PRKCE: variants seen among roughly 807,000 people sequenced by gnomAD.
PRKCE encodes protein kinase C epsilon.
Under a neutral mutation model 85.4 loss-of-function variants are expected in PRKCE, and 16 were observed. That is an observed-to-expected ratio of 0.19 (90% CI 0.13 to 0.28). The LOEUF is 0.28. Among genes scored for constraint, PRKCE ranks in the 10% least tolerant of loss-of-function variants. The probability of loss-of-function intolerance (pLI) is 1.00; values close to 1 mark genes in which losing one functional copy is unlikely to be tolerated. For synonymous variants in PRKCE, 388 were observed against 371.5 expected (o/e 1.04, Z -0.51); for missense variants, 573 against 975.2 (o/e 0.59, Z 5.49).
chr2:46,053,821 A>G (rs1666300260), intron 10 of PRKCE, among the ~76,000 whole-genome samples: 1 of 152,216 alleles, frequency 6.6e-6, no homozygotes, highest in South Asian at 2.1e-4. Flanking sequence ...TGCTGCTGTG[A>G]ACATGGGCTT....
intron 3 of PRKCE, 197 bp from the exon 4 acceptor site, chr2:45,978,779 C>T (rs1574094692): frequency 3.5e-6 from 2 of 568,006 alleles, no homozygotes; most frequent in Non-Finnish European, 6.2e-6. Flanking sequence ...CCTCCCCAAG[C>T]ACTGGGACTG....
intron 6 of PRKCE, among the ~76,000 whole-genome samples, chr2:45,989,649 A>T (rs1009941074): frequency 2.2e-4 from 3 of 13,592 alleles, no homozygotes; most frequent in Non-Finnish European, 4.0e-4. Flanking sequence ...TTCCTTGTTT[A>T]AAAAAAAAAA....
chr2:45,692,748 C>T (rs1007447908), intron 1 of PRKCE, among the ~76,000 whole-genome samples: 1 of 151,982 alleles, frequency 6.6e-6, no homozygotes, highest in Non-Finnish European at 1.5e-5. Context: ...CACACACCCC[C>T]ACACACACCC....
intron 2 of PRKCE, among the ~76,000 whole-genome samples, chr2:45,931,454 G>A (rs1292823424): frequency 6.6e-6 from 1 of 152,164 alleles, no homozygotes; most frequent in African/African-American, 2.4e-5. Flanking sequence ...ACTTTCTGGT[G>A]TCATCAGTTC....
At chr2:45,675,135 C>T (rs569862358) in intron 1 of PRKCE, among the ~76,000 whole-genome samples, 17 of 152,252 alleles carry the variant, frequency 1.1e-4, no homozygotes, top group Admixed American at 2.0e-4. Flanking sequence ...GAGACTGGAC[C>T]TCATCAATTA....
chr2:45,957,196 C>T (rs58688336), intron 2 of PRKCE, among the ~76,000 whole-genome samples: 18,055 of 152,224 alleles, frequency 0.12, 2,469 homozygotes, highest in African/African-American at 0.33. Context: ...AGCTAATCTT[C>T]ACCCAAACCC....
At chr2:46,162,637 C>T (rs545346106) in intron 14 of PRKCE, among the ~76,000 whole-genome samples, 4 of 152,242 alleles carry the variant, frequency 2.6e-5, no homozygotes, top group East Asian at 1.9e-4. Context: ...AAGGCTAAAA[C>T]GGAAAGCTGA....
intron 1 of PRKCE, among the ~76,000 whole-genome samples, chr2:45,770,449 T>G (rs1188182030): frequency 6.6e-6 from 1 of 152,176 alleles, no homozygotes; most frequent in East Asian, 1.9e-4. Flanking sequence ...AGACACTAGA[T>G]ATATGGCGTC....
intron 14 of PRKCE, among the ~76,000 whole-genome samples, chr2:46,180,201 G>A (rs1402491024): frequency 6.6e-6 from 1 of 152,170 alleles, no homozygotes; most frequent in Admixed American, 6.5e-5. Context: ...CCTGAAGAAA[G>A]GGCATGTACA....
chr2:45,734,459 A>G (rs1157498745), intron 1 of PRKCE, among the ~76,000 whole-genome samples: 3 of 152,092 alleles, frequency 2.0e-5, no homozygotes, highest in Non-Finnish European at 4.4e-5. Context: ...AAGACAGTAT[A>G]CTCATCCATG....
At chr2:46,104,756 ACAATGAAACCAATTGTC>A (rs1205797049) in intron 11 of PRKCE, among the ~76,000 whole-genome samples, 1 of 152,180 alleles carries the variant, frequency 6.6e-6, no homozygotes, top group Non-Finnish European at 1.5e-5. Context: ...GACTTCAGGG[ACAATGAAACCAATTGTC>A]CAATGAAACC....
In PRKCE at chr2:46,068,519, A is replaced by G. The variant is rs1298238448; in HGVS notation, c.1438-17689A>G. ...ATGAGGACTGAGAAAGACCAGTTGA[A>G]GAAGGGTAGAAAAATAATACCAACT... is the stretch of plus-strand genomic sequence containing the variant. On this transcript the variant is annotated intron_variant, in intron 10 of 14. Transcript: ENST00000306156. The surrounding 1 kb of genome is among the most constrained non-coding windows in gnomAD (Gnocchi z 4.3). Among the ~76,000 whole-genome samples the G allele has an allele frequency of 6.6e-6, 1 of 152,228 alleles. No homozygotes were observed. The highest frequency in any genetic ancestry group is 1.5e-5 in the Non-Finnish European group (1 of 68,036).
intron 2 of PRKCE, among the ~76,000 whole-genome samples, chr2:45,876,145 G>C (rs551500390): frequency 1.3e-5 from 2 of 152,238 alleles, no homozygotes; most frequent in African/African-American, 4.8e-5. Flanking sequence ...AGTGGCTCTG[G>C]TCTCCCTGCT....
intron 2 of PRKCE, among the ~76,000 whole-genome samples, chr2:45,964,881 G>A (rs1280886020): frequency 1.3e-5 from 2 of 151,888 alleles, no homozygotes; most frequent in Non-Finnish European, 2.9e-5. Context: ...TTTTTCCTAT[G>A]TAGTGAACAC....
At chr2:46,126,569 A>G (rs1466814720) in intron 11 of PRKCE, among the ~76,000 whole-genome samples, 2 of 152,230 alleles carry the variant, frequency 1.3e-5, no homozygotes, top group African/African-American at 4.8e-5. Flanking sequence ...TGAACACTTA[A>G]TAGGCATAGC....
rs546612265 is a variant in PRKCE at position 46,020,200 on chromosome 2, G to T, written c.1437+9683G>T. Among the ~76,000 whole-genome samples the T allele has an allele frequency of 1.4e-3, 208 of 152,184 alleles. 1 individual carries two copies. The highest frequency in any genetic ancestry group is 2.9e-3 in the Admixed American group (44 of 15,290). The stretch of plus-strand genomic sequence containing the variant: ...TTGTGGAGGTGCCTCTGTTGCTTCA[G>T]TGTATGGTGGGTGGGAGCTGGGTAC... On this transcript the variant is annotated intron_variant, in intron 10 of 14. Coordinates refer to ENST00000306156, the MANE Select transcript of PRKCE (RefSeq NM_005400.3).
At position 46,097,519 on chromosome 2, in the gene PRKCE, C is replaced by CAAAAAAAA. The variant is rs66634467; in HGVS notation, c.1592+11168_1592+11175dup. ...TGGGAGACAGAGCGAGACTCCGTCT[C>CAAAAAAAA]AAAAAAAAAAAAAAAAAAGCTGTGA... On this transcript the variant is annotated intron_variant, in intron 11 of 14. Transcript: ENST00000306156. Among the ~76,000 whole-genome samples, 30 of 94,112 alleles carry CAAAAAAAA rather than the reference C, an allele frequency of 3.2e-4. 1 individual carries two copies. The highest frequency in any genetic ancestry group is 5.9e-3 in the Middle Eastern group (1 of 170). 61.7% of individuals were successfully genotyped at this position (94,112 alleles called of 152,430 possible).
intron 11 of PRKCE, among the ~76,000 whole-genome samples, chr2:46,118,632 A>G (rs1168024183): frequency 6.6e-6 from 1 of 152,236 alleles, no homozygotes; most frequent in African/African-American, 2.4e-5. Context: ...GAGGCTCCCC[A>G]TGCTGTTGTA....
intron 6 of PRKCE, among the ~76,000 whole-genome samples, chr2:45,998,497 C>T (rs1031116317): frequency 5.9e-5 from 9 of 152,148 alleles, no homozygotes; most frequent in African/African-American, 1.9e-4. Flanking sequence ...TTAGTGTTAG[C>T]ATGGTATATC....
Sources: allele counts gnomAD v4.1 joint callset (sites outside exome capture counted in the v4.1 genomes callset), GRCh38; gene constraint gnomAD v4.1.1; non-coding constraint Gnocchi (gnomAD v3.1); transcripts MANE v1.5; gene names NCBI Gene and HGNC (gene_info 2026-07-23, HGNC 2026-07-21).